COMMD10: variants seen among roughly 807,000 people sequenced by gnomAD.
COMMD10 encodes COMM domain containing 10, also known as COMM domain-containing protein 10.
A neutral mutation model predicts 28.9 loss-of-function variants in COMMD10; 33 were observed. The observed-to-expected ratio is 1.14, with a 90% confidence interval of 0.87 to 1.53. The LOEUF is 1.53. Ranked by LOEUF, COMMD10 falls within the 40% of genes most tolerant of loss-of-function variation. COMMD10 has a pLI of 0.00. For missense variants in COMMD10, 310 were observed against 233.4 expected (o/e 1.33, Z -2.14); for synonymous variants, 110 against 81.7 (o/e 1.35, Z -1.87).
rs540352164 is a variant in COMMD10, at chr5:116,239,053, C to T, written c.511-52464C>T. Among the ~76,000 whole-genome samples the T allele has an allele frequency of 2.0e-5, 3 of 152,190 alleles. No individual in the cohort carries two copies. The South Asian group carries it at 6.2e-4, about 32-fold the overall frequency. On this transcript the variant is annotated intron_variant, in intron 5 of 6. Coordinates refer to ENST00000274458, the MANE Select transcript of COMMD10 (RefSeq NM_016144.4). ...AGTGTATGTCTTCTATTGAAGAGCTCGATGAAGTTCTTAACTGTTGTCTCT... is the reference window on the plus strand; with the variant it reads ...AGTGTATGTCTTCTATTGAAGAGCTTGATGAAGTTCTTAACTGTTGTCTCT...
intron 1 of COMMD10, among the ~76,000 whole-genome samples, chr5:116,085,879 G>A (rs760569431): frequency 2.0e-5 from 3 of 152,210 alleles, no homozygotes; most frequent in African/African-American, 7.2e-5. Flanking sequence ...TTATTTTAAA[G>A]TTTTTCCTTC....
At chr5:116,257,806 T>C (rs901495101) in intron 5 of COMMD10, among the ~76,000 whole-genome samples, 13 of 151,806 alleles carry the variant, frequency 8.6e-5, no homozygotes, top group African/African-American at 1.2e-4. Flanking sequence ...AAGATTCTTA[T>C]ATGTGGACCA....
rs149519211 is a variant in COMMD10, at chr5:116,164,706, G to C, written c.510+30528G>C. ...CATGTATTTACTCATAATAATATCT[G>C]AAATAGTAAAAAGAGTGTGGATCTG... On this transcript the variant is annotated intron_variant, in intron 5 of 6. Transcript: ENST00000274458. 5.5e-3 allele frequency among the ~76,000 whole-genome samples: 844 copies of C among 152,292 alleles called. 8 individuals carry two copies. The highest frequency in any genetic ancestry group is 0.019 in the African/African-American group (805 of 41,556).
intron 5 of COMMD10, among the ~76,000 whole-genome samples, chr5:116,274,841 G>T (rs537028410): frequency 6.6e-6 from 1 of 151,780 alleles, no homozygotes; most frequent in South Asian, 2.1e-4. Context: ...TTTGCCTTAA[G>T]CAGTACTTTG....
intron 5 of COMMD10, among the ~76,000 whole-genome samples, chr5:116,134,705 C>T (rs1751974510): frequency 6.6e-6 from 1 of 152,146 alleles, no homozygotes; most frequent in Non-Finnish European, 1.5e-5. Context: ...ACTGCAGGCT[C>T]CGCCCCCTGG....
intron 5 of COMMD10, among the ~76,000 whole-genome samples, chr5:116,257,540 A>G (rs1580590127): frequency 6.6e-6 from 1 of 151,732 alleles, no homozygotes; most frequent in African/African-American, 2.4e-5. Context: ...TTGGTTTGCT[A>G]TTAATAAGTA....
chr5:116,244,367 C>G (rs982842313), intron 5 of COMMD10, among the ~76,000 whole-genome samples: 1 of 151,968 alleles, frequency 6.6e-6, no homozygotes, highest in Non-Finnish European at 1.5e-5. Context: ...AACATAAATT[C>G]ATGTTTCCTT....
intron 4 of COMMD10, among the ~76,000 whole-genome samples, chr5:116,126,782 G>A (rs985358778): frequency 1.4e-4 from 22 of 152,170 alleles, no homozygotes; most frequent in African/African-American, 4.8e-4. Context: ...ATTCAAGATA[G>A]TTTAAAGACT....
In COMMD10 at chr5:116,196,266, C is replaced by T. The variant is rs866523727; in HGVS notation, c.510+62088C>T. ...CAAGAATGGAAAACCGACCATTGTG[C>T]GTTCTCACTGTTTTGTGGGAGCTAA... is the stretch of plus-strand genomic sequence containing the variant. On this transcript the variant is annotated intron_variant, in intron 5 of 6. Coordinates refer to ENST00000274458, the MANE Select transcript of COMMD10 (RefSeq NM_016144.4). 4.6e-5 allele frequency among the ~76,000 whole-genome samples: 7 copies of T among 152,120 alleles called. No homozygotes were observed. The Middle Eastern group carries it at 0.01, about 222-fold the overall frequency.
intron 5 of COMMD10, among the ~76,000 whole-genome samples, chr5:116,194,692 C>G (rs1253811085): frequency 1.3e-5 from 2 of 152,036 alleles, no homozygotes; most frequent in Admixed American, 6.5e-5. Context: ...AAATTACCAA[C>G]AAGAGAAGTC....
intron 4 of COMMD10, among the ~76,000 whole-genome samples, chr5:116,130,950 A>G (rs139665415): frequency 7.2e-5 from 11 of 152,034 alleles, no homozygotes; most frequent in Non-Finnish European, 1.5e-4. Flanking sequence ...TTGTGTGATG[A>G]TATATATTTT....
At chr5:116,218,209 G>A (rs1352115243) in intron 5 of COMMD10, 23 of 766,676 alleles carry the variant, frequency 3.0e-5, no homozygotes, top group Admixed American at 1.4e-4. Flanking sequence ...CAGGTTTAGC[G>A]GACAACCTTG....
At chr5:116,215,284 T>C (rs1439793262) in intron 5 of COMMD10, among the ~76,000 whole-genome samples, 1 of 152,150 alleles carries the variant, frequency 6.6e-6, no homozygotes, top group East Asian at 1.9e-4. Flanking sequence ...TGTAAGTATA[T>C]AAAGTTTATA....
intron 5 of COMMD10, among the ~76,000 whole-genome samples, chr5:116,221,290 C>G (rs1408360988): frequency 6.6e-6 from 1 of 152,086 alleles, no homozygotes; most frequent in Non-Finnish European, 1.5e-5. Context: ...CTACTATCTC[C>G]TTAAAATCCC....
At chr5:116,277,463 G>A (rs1312116575) in intron 5 of COMMD10, among the ~76,000 whole-genome samples, 2 of 151,798 alleles carry the variant, frequency 1.3e-5, no homozygotes, top group East Asian at 3.9e-4. Flanking sequence ...GATAGTTACT[G>A]CCTTAAATTA....
At chr5:116,120,879 T>A (rs1751406736) in intron 4 of COMMD10, among the ~76,000 whole-genome samples, 1 of 152,134 alleles carries the variant, frequency 6.6e-6, no homozygotes, top group Admixed American at 6.5e-5. Context: ...CTAATTAATG[T>A]TTATCTGTGA....
chr5:116,216,126 A>G (rs1179114737), intron 5 of COMMD10, among the ~76,000 whole-genome samples: 2 of 152,196 alleles, frequency 1.3e-5, no homozygotes, highest in East Asian at 1.9e-4. Flanking sequence ...GTTTAATCCT[A>G]AAAGAACCCC....
chr5:116,112,761 G>A (rs1751095632), intron 4 of COMMD10, among the ~76,000 whole-genome samples: 1 of 152,034 alleles, frequency 6.6e-6, no homozygotes, highest in Non-Finnish European at 1.5e-5. Flanking sequence ...ATCCATTTAT[G>A]TTTGAGGTGG....
At chr5:116,260,423 G>T (rs4921086) in intron 5 of COMMD10, among the ~76,000 whole-genome samples, 39,927 of 151,620 alleles carry the variant, frequency 0.26, 7,194 homozygotes, top group African/African-American at 0.5. Flanking sequence ...TTTATTTCAT[G>T]GTAGCAAATG....
Sources: gnomAD v4.1 joint callset for allele counts (sites outside exome capture counted in the v4.1 genomes callset) on GRCh38, gnomAD v4.1.1 for gene constraint, MANE v1.5 for transcripts, NCBI Gene and HGNC (gene_info 2026-07-23, HGNC 2026-07-21) for gene names.